The following SRPX variants were observed in gnomAD, a reference collection of about 807,000 sequenced individuals.
SRPX encodes sushi repeat-containing protein SRPX.
Under a neutral mutation model 38.1 loss-of-function variants are expected in SRPX, and 24 were observed. The ratio of observed to expected loss-of-function variants is 0.63; its 90% CI spans 0.46 to 0.89. The LOEUF (loss-of-function observed/expected upper bound fraction) is 0.89. Ranked by LOEUF, SRPX falls within the 40% of genes least tolerant of loss-of-function variation. The pLI is 0.00. For missense variants in SRPX, 416 were observed against 377.8 expected, an observed-to-expected ratio of 1.10 and a Z score of -0.84; for synonymous variants, 184 against 153.8, an observed-to-expected ratio of 1.20 and a Z score of -1.45.
At chrX:38,173,415 G>C (rs1938511481) in intron 3 of SRPX, among the ~76,000 whole-genome samples, 1 of 110,932 alleles carries the variant, frequency 9.0e-6, no homozygotes, top group Non-Finnish European at 1.9e-5. Flanking sequence ...ACTCTTTCCT[G>C]CCTCCCTAAG....
rs754545310 is a variant in SRPX at position 38,187,343 on chromosome X, G to A, written c.98-8999C>T. Among the ~76,000 whole-genome samples the A allele has an allele frequency of 7.1e-5, 8 of 111,935 alleles. No individual in the cohort carries two copies. In the East Asian group the frequency reaches 2.2e-3, roughly 31 times the overall value. On this transcript the variant is annotated intron_variant, in intron 1 of 9. Coordinates refer to ENST00000378533, the MANE Select transcript of SRPX (RefSeq NM_006307.5). ...TAAAATTCCTCTAACAATCCTGTAT[G>A]ATTTGTGATTTAGAAAATCTTTCAT...
intron 1 of SRPX, among the ~76,000 whole-genome samples, chrX:38,212,192 C>A: frequency 8.9e-6 from 1 of 112,396 alleles, no homozygotes; most frequent in Non-Finnish European, 1.9e-5. Flanking sequence ...CTAAGCCAGG[C>A]AGGGGCTGTA....
chrX:38,189,624 C>T (rs1938857983), intron 1 of SRPX, among the ~76,000 whole-genome samples: 1 of 111,594 alleles, frequency 9.0e-6, no homozygotes, highest in Non-Finnish European at 1.9e-5. Context: ...ACCTGAAAGC[C>T]CTTTCCCTCC....
rs201634519 is a variant in SRPX, at chrX:38,171,938, G to T, written c.469C>A (p.Arg157=). 1 of 1,209,640 alleles carries T rather than the reference G, an allele frequency of 8.3e-7. No individual in the cohort carries two copies. Among genetic ancestry groups the T allele is most frequent in the African/African-American group, 1.8e-5 (1 of 57,087 alleles). ...CSPGYTLKGE[R]TVTCMDNKAW... Reference sequence around the variant, plus strand: ...TTGTTGTCCATACATGTGACGGTCCGCTCCCCTTTCAACGTGTATCCTGGT... The same window carrying T: ...TTGTTGTCCATACATGTGACGGTCCTCTCCCCTTTCAACGTGTATCCTGGT... The change falls in exon 4 of 10, where the codon CGG becomes AGG. Residue 157 remains arginine (R), a synonymous_variant. Transcript: ENST00000378533.
intron 2 of SRPX, among the ~76,000 whole-genome samples, chrX:38,176,961 T>C (rs1938577098): frequency 9.0e-6 from 1 of 111,160 alleles, no homozygotes; most frequent in Admixed American, 9.6e-5. Flanking sequence ...CAGGGTAAGT[T>C]CTAGGGCAAG....
In SRPX at chrX:38,183,969, T is replaced by C. The variant is rs756497066; in HGVS notation, c.98-5625A>G. ...CAAAGAAATAGCCACTCTTTTTTTT[T>C]CCAAAGTTCAAATTAGGGTCTTCCT... On this transcript the variant is annotated intron_variant, in intron 1 of 9. Coordinates refer to ENST00000378533, the MANE Select transcript of SRPX (RefSeq NM_006307.5). Among the ~76,000 whole-genome samples the C allele has an allele frequency of 1.3e-3, 141 of 111,764 alleles. 1 individual carries two copies. Among genetic ancestry groups the C allele is most frequent in the African/African-American group, 4.2e-3 (128 of 30,804 alleles).
At position 38,149,742 on chromosome X, in the gene SRPX, T is replaced by C. The variant is rs746466621; in HGVS notation, c.1364A>G (p.Gln455Arg). Residue 455 changes from glutamine to arginine, a missense_variant, in exon 10 of 10, where the codon CAA becomes CGA. Gln to Arg is a conservative substitution (Grantham distance 43). Transcript: ENST00000378533. Reference protein sequence around the residue: ...FPLRKEEMVLQAEMSQTCNT With the variant: ...FPLRKEEMVLRAEMSQTCNT ...GTTACAGGTCTGGCTCATTTCGGCT[T>C]GTAGGACCATCTCTTCTTTTCTCAA... is the stretch of plus-strand genomic sequence containing the variant. 9 of 1,211,104 alleles carry C rather than the reference T, an allele frequency of 7.4e-6. No homozygotes were observed. The South Asian group carries it at 1.4e-4, about 19-fold the overall frequency.
intron 7 of SRPX, among the ~76,000 whole-genome samples, chrX:38,157,489 T>C (rs1274543730): frequency 9.0e-6 from 1 of 111,609 alleles, no homozygotes; most frequent in Non-Finnish European, 1.9e-5. Context: ...CTCTTCTCTC[T>C]GACCTCTCCT....
chrX:38,165,608 T>C (rs138146675), intron 4 of SRPX, among the ~76,000 whole-genome samples: 1,745 of 112,312 alleles, frequency 0.016, 31 homozygotes, highest in African/African-American at 0.054. Flanking sequence ...ACTTAAATGA[T>C]TTATTTAAGA....
intron 7 of SRPX, among the ~76,000 whole-genome samples, chrX:38,158,018 A>G (rs5918486): frequency 0.4 from 44,740 of 111,337 alleles, 8,538 homozygotes; most frequent in African/African-American, 0.75. Context: ...AGTTAATTGC[A>G]GTAAGTAGCC....
intron 7 of SRPX, among the ~76,000 whole-genome samples, chrX:38,159,139 A>AT (rs1938190661): frequency 8.9e-6 from 1 of 112,280 alleles, no homozygotes; most frequent in Non-Finnish European, 1.9e-5. Context: ...AGATTTTGAA[A>AT]TTGGTATATA....
rs1439792706 is a variant in SRPX at position 38,178,274 on chromosome X, A to G, written c.157+11T>C. On this transcript the variant is annotated intron_variant, in intron 2 of 9. Transcript: ENST00000378533. ...AGCAGGTCCTCATTAGCACATAAGCAAAGCATTCACCTTTATATCTAGGGT... is the reference window on the plus strand; with the variant it reads ...AGCAGGTCCTCATTAGCACATAAGCGAAGCATTCACCTTTATATCTAGGGT... 2 of 1,204,388 alleles carry G rather than the reference A, an allele frequency of 1.7e-6. No individual in the cohort carries two copies.
intron 3 of SRPX, 110 bp from the exon 4 acceptor site, chrX:38,172,167 A>G: frequency 1.1e-6 from 1 of 882,800 alleles, no homozygotes; most frequent in South Asian, 2.6e-5. Flanking sequence ...ATTTAAATAT[A>G]AGAAGGCCAG....
rs759879958 is a variant in SRPX, at chrX:38,154,633, A to G, written c.1090-50T>C. ...GGAAGTATGAGCATGGCTAAAAAAG[A>G]CATCCTTATCAAACTAGAAACCGAC... is the stretch of plus-strand genomic sequence containing the variant. On this transcript the variant is annotated intron_variant, in intron 8 of 9. Coordinates refer to ENST00000378533, the MANE Select transcript of SRPX (RefSeq NM_006307.5). 8 of 1,192,277 alleles carry G rather than the reference A, an allele frequency of 6.7e-6. No homozygotes were observed. The South Asian group carries it at 1.5e-4, about 22-fold the overall frequency.
intron 1 of SRPX, among the ~76,000 whole-genome samples, chrX:38,219,212 C>A (rs1601877896): frequency 9.1e-6 from 1 of 110,143 alleles, no homozygotes. Context: ...GGAGGGAGGT[C>A]GGATGGAAAA....
At chrX:38,216,419 G>T (rs914496669) in intron 1 of SRPX, among the ~76,000 whole-genome samples, 2 of 112,908 alleles carry the variant, frequency 1.8e-5, no homozygotes, top group African/African-American at 6.4e-5. Flanking sequence ...CAGAGCCCAG[G>T]ATTTATTAGA....
chrX:38,157,088 G>A (rs1327376807), intron 7 of SRPX, 59 bp from the exon 8 acceptor site: 22 of 1,153,599 alleles, frequency 1.9e-5, no homozygotes, highest in Non-Finnish European at 2.5e-5. Context: ...GCTCAACAGA[G>A]CCTATGATGA....
Position 38,160,091 on chromosome X carries a change from T to C in SRPX, c.881A>G (p.Tyr294Cys), listed in dbSNP as rs1938214088. 1 of 1,210,076 alleles carries C rather than the reference T, an allele frequency of 8.3e-7. No individual in the cohort carries two copies. The highest frequency in any genetic ancestry group is 1.7e-5 in the African/African-American group (1 of 57,327). Residue 294 changes from tyrosine (Y) to cysteine (C), a missense_variant, in exon 7 of 10, where the codon TAT (tyrosine) becomes TGT (cysteine). Physicochemically the swap from Tyr to Cys is radical, Grantham distance 194. Coordinates refer to ENST00000378533, the MANE Select transcript of SRPX (RefSeq NM_006307.5). ...ATCEFSCIGG[Y>C]ELQGSPARVC... ...TCGGGCAGGGCTACCCTGGAGCTCA[T>C]AGCCGCCGATGCAGGAGAACTCACA...
In SRPX at chrX:38,149,443, G is replaced by C; in HGVS notation, c.*268C>G. 1 of 262,129 alleles carries C rather than the reference G, an allele frequency of 3.8e-6. No individual in the cohort carries two copies. The highest frequency in any genetic ancestry group is 6.7e-6 in the Non-Finnish European group (1 of 149,578). 21.6% of individuals were successfully genotyped at this position (262,129 alleles called of 1,213,427 possible). ...ATAACATGTTGATAGCCTGTGTATG[G>C]TTATGGGTTCTAATTTCTCTACAAA... On this transcript the variant is annotated 3_prime_UTR_variant, in exon 10 of 10. Transcript: ENST00000378533.
Sources: gnomAD v4.1 joint callset for allele counts (sites outside exome capture counted in the v4.1 genomes callset) on GRCh38, gnomAD v4.1.1 for gene constraint, MANE v1.5 for transcripts, NCBI Gene and HGNC (gene_info 2026-07-23, HGNC 2026-07-21) for gene names.